The following GPC5 variants were observed in gnomAD, a reference collection of about 807,000 sequenced individuals.
GPC5 encodes the protein glypican 5, also known as glypican-5.
In GPC5, 47 loss-of-function variants were observed where a neutral mutation model predicts 53.9. That is an observed-to-expected ratio of 0.87 (90% confidence interval 0.69 to 1.11). The LOEUF (loss-of-function observed/expected upper bound fraction) is 1.11, where lower values mean the gene tolerates loss of function less well. Ranked by LOEUF, GPC5 falls within the 50% of genes most tolerant of loss-of-function variation. The probability of loss-of-function intolerance (pLI) is 0.00; values close to 1 mark genes in which losing one functional copy is unlikely to be tolerated. For synonymous variants in GPC5, 286 were observed against 263.3 expected, an observed-to-expected ratio of 1.09 and a Z score of -0.84; for missense variants, 748 against 713.1, an observed-to-expected ratio of 1.05 and a Z score of -0.56.
Position 92,830,385 on chromosome 13 carries a change from G to A in GPC5, c.1562-35897G>A, listed in dbSNP as rs1418075970. Among the ~76,000 whole-genome samples, 6 of 151,702 alleles carry A rather than the reference G, an allele frequency of 4.0e-5. No homozygotes were observed. The East Asian group carries it at 9.9e-4, about 25-fold the overall frequency. Reference sequence around the variant, plus strand: ...GATTTTTTTCCTATAGGAGAGTTCAGGGGCTTGGTTCACATGATTACCCAG... The same window carrying A: ...GATTTTTTTCCTATAGGAGAGTTCAAGGGCTTGGTTCACATGATTACCCAG... On this transcript the variant is annotated intron_variant, in intron 7 of 7. Coordinates refer to ENST00000377067, the MANE Select transcript of GPC5 (RefSeq NM_004466.6).
chr13:91,702,362 G>T (rs1352860747), intron 3 of GPC5, among the ~76,000 whole-genome samples: 1 of 151,990 alleles, frequency 6.6e-6, no homozygotes, highest in Non-Finnish European at 1.5e-5. Flanking sequence ...AAAAAATCTT[G>T]CTAAGACTAA....
intron 2 of GPC5, among the ~76,000 whole-genome samples, chr13:91,543,281 C>T (rs2030070864): frequency 6.6e-6 from 1 of 152,152 alleles, no homozygotes; most frequent in Admixed American, 6.5e-5. Context: ...GTGTGAGCCA[C>T]CGCTCCGGCC....
chr13:92,316,465 C>CT (rs1304065963), intron 7 of GPC5, among the ~76,000 whole-genome samples: 1 of 152,008 alleles, frequency 6.6e-6, no homozygotes, highest in African/African-American at 2.4e-5. Flanking sequence ...AGTATAATTA[C>CT]TTTTTTGCCA....
intron 7 of GPC5, among the ~76,000 whole-genome samples, chr13:92,358,803 G>C (rs1411875532): frequency 3.3e-5 from 5 of 151,834 alleles, no homozygotes; most frequent in Non-Finnish European, 1.5e-5. Context: ...GTTTAGGGCA[G>C]CGGGGCCCTG....
chr13:92,727,228 CTT>C (rs1888673494), intron 7 of GPC5, among the ~76,000 whole-genome samples: 2 of 151,572 alleles, frequency 1.3e-5, no homozygotes, highest in Admixed American at 1.3e-4. Context: ...TAAACAGACA[CTT>C]TTTCCATGTA....
intron 2 of GPC5, among the ~76,000 whole-genome samples, chr13:91,482,419 C>T (rs543101253): frequency 6.6e-6 from 1 of 152,232 alleles, no homozygotes; most frequent in East Asian, 1.9e-4. Context: ...TATAAATCAC[C>T]CTGTCTTAGA....
intron 7 of GPC5, among the ~76,000 whole-genome samples, chr13:92,698,160 C>CT (rs1020043653): frequency 3.3e-5 from 5 of 151,754 alleles, no homozygotes; most frequent in African/African-American, 1.2e-4. Context: ...CTGAAATTTT[C>CT]TTTTTTTCTT....
chr13:92,106,951 T>TTTGTAC (rs1566437961), intron 6 of GPC5, among the ~76,000 whole-genome samples: 1 of 152,120 alleles, frequency 6.6e-6, no homozygotes, highest in Non-Finnish European at 1.5e-5. Flanking sequence ...CAGTAATTCT[T>TTTGTAC]TTTGTATTTC....
At chr13:92,697,334 G>A (rs775716735) in intron 7 of GPC5, among the ~76,000 whole-genome samples, 8 of 152,082 alleles carry the variant, frequency 5.3e-5, no homozygotes, top group Non-Finnish European at 8.8e-5. Context: ...CCATGAGCAC[G>A]GAATGTTTTT....
chr13:92,824,818 AATTAT>A (rs1877790243), intron 7 of GPC5, among the ~76,000 whole-genome samples: 1 of 152,018 alleles, frequency 6.6e-6, no homozygotes, highest in Admixed American at 6.6e-5. Flanking sequence ...CTCTGTCCAC[AATTAT>A]ATTTATCTGG....
chr13:91,864,430 C>T (rs568791088), intron 5 of GPC5, among the ~76,000 whole-genome samples: 3 of 152,038 alleles, frequency 2.0e-5, no homozygotes, highest in South Asian at 4.1e-4. Context: ...TGTTTTTAAA[C>T]GATGGAATCT....
intron 7 of GPC5, among the ~76,000 whole-genome samples, chr13:92,317,897 A>G (rs1391466822): frequency 6.6e-6 from 1 of 152,178 alleles, no homozygotes; most frequent in Non-Finnish European, 1.5e-5. Flanking sequence ...CAGTATAAAA[A>G]TTTTAAGCAT....
rs901870314 is a variant in GPC5 at position 91,693,248 on chromosome 13, C to T, written c.387C>T (p.Thr129=). The part of the protein sequence containing the change: ...ENYTSILFCS[T]YRNMALEAAA... ...ACACCAGTATACTTTTTTGCAGTAC[C>T]TACAGGAACATGGCCTTGGAGGCTG... Residue 129 remains threonine (T), a synonymous_variant, in exon 3 of 8, where the codon ACC becomes ACT. Coordinates refer to ENST00000377067, the MANE Select transcript of GPC5 (RefSeq NM_004466.6). 9.9e-6 allele frequency: 16 copies of T among 1,613,870 alleles called. No individual in the cohort carries two copies. The highest frequency in any genetic ancestry group is 1.7e-5 in the Admixed American group (1 of 59,980).
chr13:92,474,461 T>C (rs938955127), intron 7 of GPC5, among the ~76,000 whole-genome samples: 1 of 152,054 alleles, frequency 6.6e-6, no homozygotes, highest in Non-Finnish European at 1.5e-5. Context: ...ACAGTAGTAA[T>C]AGATCTTCAA....
intron 7 of GPC5, among the ~76,000 whole-genome samples, chr13:92,483,930 ATTT>A (rs1879454473): frequency 6.6e-6 from 1 of 152,152 alleles, no homozygotes; most frequent in African/African-American, 2.4e-5. Flanking sequence ...GAGGCCAGGA[ATTT>A]GAGACATACC....
chr13:92,513,215 A>G (rs1880639719), intron 7 of GPC5, among the ~76,000 whole-genome samples: 1 of 152,216 alleles, frequency 6.6e-6, no homozygotes, highest in Non-Finnish European at 1.5e-5. Flanking sequence ...ATCAGCAGGA[A>G]CATGGCTTTT....
At chr13:92,391,437 TA>T (rs1387931568) in intron 7 of GPC5, among the ~76,000 whole-genome samples, 3 of 152,100 alleles carry the variant, frequency 2.0e-5, no homozygotes, top group Admixed American at 6.5e-5. Flanking sequence ...TAAGATGATT[TA>T]AAATTTTTTA....
At chr13:92,549,459 C>A (rs1882234046) in intron 7 of GPC5, among the ~76,000 whole-genome samples, 1 of 152,024 alleles carries the variant, frequency 6.6e-6, no homozygotes, top group Non-Finnish European at 1.5e-5. Flanking sequence ...GCTGTTCTCT[C>A]TATGGGTTTG....
chr13:91,576,931 A>T (rs555001663), intron 2 of GPC5, among the ~76,000 whole-genome samples: 2 of 63,948 alleles, frequency 3.1e-5, no homozygotes, highest in African/African-American at 8.1e-5. Context: ...GTTCATCTGT[A>T]AAAAAAAAAA....
Sources: allele counts gnomAD v4.1 joint callset (sites outside exome capture counted in the v4.1 genomes callset), GRCh38; gene constraint gnomAD v4.1.1; transcripts MANE v1.5; gene names NCBI Gene and HGNC (gene_info 2026-07-23, HGNC 2026-07-21).